CHLSN: variants seen among roughly 807,000 people sequenced by gnomAD.
CHLSN encodes protein cholesin.
chr7:1,112,104 C>T, the CHLSN span, among the ~76,000 whole-genome samples: 1 of 152,192 alleles, frequency 6.6e-6, no homozygotes, highest in African/African-American at 2.4e-5. Flanking sequence ...AGAAGCAGCG[C>T]TGGCAAACAT....
chr7:1,062,108 T>C, the CHLSN span, among the ~76,000 whole-genome samples: 4 of 152,268 alleles, frequency 2.6e-5, no homozygotes, highest in Admixed American at 2.0e-4. Flanking sequence ...TCTTGACTAC[T>C]ATAGTTCAAA....
chr7:995,782 C>T, the CHLSN span, among the ~76,000 whole-genome samples: 13 of 152,388 alleles, frequency 8.5e-5, no homozygotes, highest in African/African-American at 1.9e-4. Context: ...CTGGACTCCT[C>T]GCCTGCCGCC....
chr7:1,094,900 C>T, the CHLSN span, among the ~76,000 whole-genome samples: 41 of 152,192 alleles, frequency 2.7e-4, no homozygotes, highest in Non-Finnish European at 5.3e-4. Flanking sequence ...GGAGCGGCCT[C>T]TGTGCCCACT....
chr7:996,325 C>G, the CHLSN span, among the ~76,000 whole-genome samples: 1 of 152,250 alleles, frequency 6.6e-6, no homozygotes, highest in African/African-American at 2.4e-5. Context: ...AGGCAGGCAG[C>G]CTGACCTCAG....
chr7:1,060,637 G>A, the CHLSN span, among the ~76,000 whole-genome samples: 1 of 152,222 alleles, frequency 6.6e-6, no homozygotes, highest in Non-Finnish European at 1.5e-5. Context: ...GTGAGGACGC[G>A]GCTCTGGGTG....
chr7:1,117,675 C>T, the CHLSN span, among the ~76,000 whole-genome samples: 25 of 139,156 alleles, frequency 1.8e-4, no homozygotes, highest in Non-Finnish European at 3.3e-4. Flanking sequence ...GACGCCCATG[C>T]AGGATGACAT....
the CHLSN span, among the ~76,000 whole-genome samples, chr7:1,066,313 G>C: frequency 6.6e-6 from 1 of 152,216 alleles, no homozygotes; most frequent in Non-Finnish European, 1.5e-5. Flanking sequence ...GGGCTCCTAC[G>C]GGACCCCCAC....
the CHLSN span, among the ~76,000 whole-genome samples, chr7:1,083,057 C>T: frequency 2.6e-5 from 4 of 152,174 alleles, no homozygotes; most frequent in South Asian, 2.1e-4. Flanking sequence ...CTCCTGGGGG[C>T]GGAGGGTCCC....
At chr7:993,613 C>G in the CHLSN span, among the ~76,000 whole-genome samples, 1 of 152,112 alleles carries the variant, frequency 6.6e-6, no homozygotes, top group African/African-American at 2.4e-5. Flanking sequence ...CCCGCTTCTA[C>G]AAAAAATACA....
chr7:1,098,756 G>A, the CHLSN span, among the ~76,000 whole-genome samples: 3 of 152,246 alleles, frequency 2.0e-5, no homozygotes, highest in African/African-American at 7.2e-5. Context: ...GCGTGCGTCC[G>A]CCAATGTGAA....
the CHLSN span, among the ~76,000 whole-genome samples, chr7:1,126,222 G>C: frequency 6.6e-6 from 1 of 151,736 alleles, no homozygotes; most frequent in Non-Finnish European, 1.5e-5. Context: ...TTAGCTGGGC[G>C]TGGTGGTAGG....
At chr7:1,027,145 G>C in the CHLSN span, 4 of 152,256 alleles carry the variant, frequency 2.6e-5, no homozygotes, top group Non-Finnish European at 4.4e-5. Flanking sequence ...AATTTTGTTA[G>C]TTGTTACACA....
the CHLSN span, among the ~76,000 whole-genome samples, chr7:1,116,490 A>C: frequency 1.1e-5 from 1 of 92,732 alleles, no homozygotes; most frequent in African/African-American, 5.9e-5. Flanking sequence ...ACCAGCTTCC[A>C]TCACCGACGC....
chr7:1,131,094 G>C, the CHLSN span, among the ~76,000 whole-genome samples: 2 of 151,676 alleles, frequency 1.3e-5, no homozygotes, highest in Admixed American at 1.3e-4. Context: ...AGGAGGTAGA[G>C]GTGGGAGGAT....
chr7:1,124,004 G>T, the CHLSN span, among the ~76,000 whole-genome samples: 1 of 152,308 alleles, frequency 6.6e-6, no homozygotes, highest in Non-Finnish European at 1.5e-5. Context: ...CACGCCAGTG[G>T]CCGGAAAGCC....
the CHLSN span, chr7:1,043,668 C>T: frequency 6.6e-6 from 1 of 152,350 alleles, no homozygotes; most frequent in Non-Finnish European, 1.5e-5. Context: ...CTCTCCCTGC[C>T]CTCCCGCTGG....
At chr7:990,544 G>A in the CHLSN span, among the ~76,000 whole-genome samples, 1 of 152,140 alleles carries the variant, frequency 6.6e-6, no homozygotes, top group South Asian at 2.1e-4. Flanking sequence ...AGGCCAGGAC[G>A]TGGTGGCCGG....
chr7:1,000,638 CT>C, the CHLSN span: 1 of 1,093,912 alleles, frequency 9.1e-7, no homozygotes, highest in Non-Finnish European at 1.3e-6. Flanking sequence ...GACGCCTCAT[CT>C]TAGGAGAGGG....
chr7:1,053,794 T>A, the CHLSN span, among the ~76,000 whole-genome samples: 1 of 152,242 alleles, frequency 6.6e-6, no homozygotes, highest in African/African-American at 2.4e-5. Context: ...GCCACTGCAC[T>A]CCAGCCTGGG....
Sources: allele counts gnomAD v4.1 joint callset (sites outside exome capture counted in the v4.1 genomes callset), GRCh38; gene constraint gnomAD v4.1.1; transcripts MANE v1.5; gene names NCBI Gene and HGNC (gene_info 2026-07-23, HGNC 2026-07-21).